Variants in CSPP1 observed in about 807,000 individuals in gnomAD.
The protein encoded by CSPP1 is centrosome and spindle pole associated protein 1, also known as centrosome and spindle pole-associated protein 1.
CSPP1 carries 126 observed loss-of-function variants against 164.4 expected under a neutral mutation model. The ratio of observed to expected loss-of-function variants is 0.77; its 90% CI spans 0.66 to 0.89. The LOEUF is 0.89. CSPP1 is among the 40% of genes least tolerant of loss of function. CSPP1 has a pLI of 0.00. For synonymous variants in CSPP1, 472 were observed against 476.7 expected (o/e 0.99, Z 0.13); for missense variants, 1,395 against 1,449.8 (o/e 0.96, Z 0.61).
At chr8:67,160,637 C>T (rs1828160939) in intron 21 of CSPP1, among the ~76,000 whole-genome samples, 1 of 151,640 alleles carries the variant, frequency 6.6e-6, no homozygotes, top group South Asian at 2.1e-4. Flanking sequence ...CCATTTAATG[C>T]ATTTGCCTTT....
chr8:67,102,345 C>G (rs1405434477), intron 7 of CSPP1, among the ~76,000 whole-genome samples: 1 of 152,146 alleles, frequency 6.6e-6, no homozygotes. Context: ...GTAATCCCAG[C>G]ACTTTGGGAG....
At chr8:67,124,477 C>T (rs534647308) in intron 15 of CSPP1, among the ~76,000 whole-genome samples, 51 of 145,012 alleles carry the variant, frequency 3.5e-4, no homozygotes, top group African/African-American at 1.4e-3. Flanking sequence ...ATAATTATTG[C>T]CTTATGCAAT....
At chr8:67,085,752 A>G (rs1810265067) in intron 3 of CSPP1, among the ~76,000 whole-genome samples, 1 of 152,158 alleles carries the variant, frequency 6.6e-6, no homozygotes, top group Non-Finnish European at 1.5e-5. Flanking sequence ...GCATGGAGAC[A>G]AGAAATAACA....
chr8:67,190,772 C>A lies in CSPP1; in HGVS notation c.3330+13C>A. 1.3e-6 allele frequency: 2 copies of A among 1,551,608 alleles called. No homozygotes were observed. Among genetic ancestry groups the A allele is most frequent in the Non-Finnish European group, 8.9e-7 (1 of 1,122,952 alleles). On this transcript the variant is annotated intron_variant, in intron 29 of 30. Coordinates refer to ENST00000678616, the MANE Select transcript of CSPP1 (RefSeq NM_001382391.1). Reference sequence around the variant, plus strand: ...AGGACTAGACATTGTATGTATGAGACTTTTCTCCCCCTTTTCAACTTAGAA... The same window carrying A: ...AGGACTAGACATTGTATGTATGAGAATTTTCTCCCCCTTTTCAACTTAGAA...
At chr8:67,190,585 G>A (rs376628823) in intron 28 of CSPP1, 65 bp from the exon 29 acceptor site, 23 of 1,190,788 alleles carry the variant, frequency 1.9e-5, no homozygotes, top group Non-Finnish European at 2.9e-5. Context: ...AAAGGCTCTT[G>A]GTTTAGCTCT....
At chr8:67,108,657 A>G (rs1198950930) in intron 9 of CSPP1, among the ~76,000 whole-genome samples, 2 of 152,110 alleles carry the variant, frequency 1.3e-5, no homozygotes, top group Non-Finnish European at 2.9e-5. Context: ...TCTCCGCAGT[A>G]TATTGCTGTT....
At chr8:67,133,623 T>TA (rs1488875170) in intron 16 of CSPP1, 2 of 152,254 alleles carry the variant, frequency 1.3e-5, no homozygotes, top group Admixed American at 1.3e-4. Context: ...TTGCTGAAGA[T>TA]TGGGTGGCTG....
chr8:67,148,301 A>C (rs540546324), intron 17 of CSPP1, among the ~76,000 whole-genome samples: 1 of 152,150 alleles, frequency 6.6e-6, no homozygotes, highest in Non-Finnish European at 1.5e-5. Flanking sequence ...AGCCATTGAC[A>C]TGTGTTTTAG....
rs1188916295 is a variant in CSPP1 at position 67,131,995 on chromosome 8, T to G, written c.1742T>G (p.Val581Gly). 1 of 1,613,382 alleles carries G rather than the reference T, an allele frequency of 6.2e-7. No homozygotes were observed. The highest frequency in any genetic ancestry group is 8.5e-7 in the Non-Finnish European group (1 of 1,179,560). ...GAACTGAAGATTACAAGTGATCAAG[T>G]GATAAATTCAGGATTGATTTTTGAA... Reference protein sequence around the residue: ...QNELKITSDQVINSGLIFEDK... With the variant: ...QNELKITSDQGINSGLIFEDK... Residue 581 changes from valine (V) to glycine (G), a missense_variant, in exon 16 of 31, where the codon GTG (valine) becomes GGG (glycine). Physicochemically the swap from Val to Gly is moderately radical, Grantham distance 109. Transcript: ENST00000678616.
rs1833535705 is a variant in CSPP1 at position 67,183,405 on chromosome 8, CA to C, written c.3220+3482del. Among the ~76,000 whole-genome samples the C allele has an allele frequency of 2.0e-5, 3 of 152,270 alleles. No individual in the cohort carries two copies. The South Asian group carries it at 6.2e-4, about 32-fold the overall frequency. ...ACAGATTACAATCTGGGCAAGAAAA[CA>C]AACCTTAACAGATGTAAAAGAAGAT... On this transcript the variant is annotated intron_variant, in intron 28 of 30. Transcript: ENST00000678616.
intron 15 of CSPP1, among the ~76,000 whole-genome samples, chr8:67,122,638 T>C (rs1212682716): frequency 6.6e-6 from 1 of 152,212 alleles, no homozygotes; most frequent in African/African-American, 2.4e-5. Context: ...TATTGAGGCT[T>C]ATTTTAAGAC....
intron 4 of CSPP1, among the ~76,000 whole-genome samples, chr8:67,086,459 A>G (rs1214541433): frequency 1.3e-5 from 2 of 152,130 alleles, no homozygotes; most frequent in African/African-American, 4.8e-5. Context: ...ACTATGTATT[A>G]AAATGACATA....
At chr8:67,139,576 A>G (rs1823064341) in intron 17 of CSPP1, among the ~76,000 whole-genome samples, 1 of 152,254 alleles carries the variant, frequency 6.6e-6, no homozygotes, top group Non-Finnish European at 1.5e-5. Context: ...CACAATAGCA[A>G]AGACTTGGAA....
intron 1 of CSPP1, chr8:67,064,749 G>C: frequency 8.9e-6 from 4 of 449,982 alleles, no homozygotes; most frequent in Non-Finnish European, 4.0e-6. Context: ...TGCGGTGGGG[G>C]AGGTGCCCGA....
intron 8 of CSPP1, among the ~76,000 whole-genome samples, chr8:67,103,513 G>A (rs1448508523): frequency 6.6e-6 from 1 of 151,946 alleles, no homozygotes; most frequent in African/African-American, 2.4e-5. Context: ...TTGAAAATGT[G>A]GCCGGGCCTG....
chr8:67,102,726 C>T (rs767699447), intron 7 of CSPP1, among the ~76,000 whole-genome samples: 1 of 152,082 alleles, frequency 6.6e-6, no homozygotes, highest in Non-Finnish European at 1.5e-5. Flanking sequence ...AGTAGGTGTT[C>T]AGTTATTCAC....
intron 2 of CSPP1, among the ~76,000 whole-genome samples, chr8:67,076,085 CTT>C (rs893059518): frequency 6.9e-6 from 1 of 144,778 alleles, no homozygotes. Context: ...CTTTAATCTG[CTT>C]TTTTTTTTTT....
intron 8 of CSPP1, among the ~76,000 whole-genome samples, chr8:67,104,966 A>ATATATTT (rs1247108884): frequency 1.2e-4 from 7 of 60,746 alleles, no homozygotes; most frequent in African/African-American, 4.8e-4. Context: ...ATATATATAT[A>ATATATTT]TTTTTTTTTT....
At chr8:67,150,539 A>T (rs1825517826) in intron 18 of CSPP1, among the ~76,000 whole-genome samples, 1 of 151,924 alleles carries the variant, frequency 6.6e-6, no homozygotes, top group South Asian at 2.1e-4. Flanking sequence ...AAGTAGCTGG[A>T]ATCACAGGTA....
Sources: allele counts gnomAD v4.1 joint callset (sites outside exome capture counted in the v4.1 genomes callset), GRCh38; gene constraint gnomAD v4.1.1; transcripts MANE v1.5; gene names NCBI Gene and HGNC (gene_info 2026-07-23, HGNC 2026-07-21).